Variants in EPHB1 observed in about 807,000 individuals in gnomAD.
The protein encoded by EPHB1 is ephrin type-B receptor 1.
EPHB1 carries 30 observed loss-of-function variants against 94.4 expected under a neutral mutation model. That is an observed-to-expected ratio of 0.32 (90% confidence interval 0.24 to 0.43). The LOEUF is 0.43. EPHB1 is among the 20% of genes least tolerant of loss of function. EPHB1 has a pLI of 1.00. For missense variants in EPHB1, 1,055 were observed against 1,308.3 expected, an observed-to-expected ratio of 0.81 and a Z score of 2.99; for synonymous variants, 522 against 489.1, an observed-to-expected ratio of 1.07 and a Z score of -0.89.
chr3:135,052,540 A>G (rs945702162), intron 3 of EPHB1, among the ~76,000 whole-genome samples: 5 of 152,110 alleles, frequency 3.3e-5, no homozygotes, highest in Admixed American at 3.3e-4. Context: ...TCCAAGGATC[A>G]GCTTTCTTTC....
At chr3:135,046,346 A>G (rs904658580) in intron 3 of EPHB1, among the ~76,000 whole-genome samples, 3 of 152,170 alleles carry the variant, frequency 2.0e-5, no homozygotes, top group Non-Finnish European at 4.4e-5. Flanking sequence ...CTGGTCACAC[A>G]AGCTCCTTGA....
intron 4 of EPHB1, among the ~76,000 whole-genome samples, chr3:135,120,815 A>C (rs1166277317): frequency 6.6e-6 from 1 of 152,150 alleles, no homozygotes; most frequent in Non-Finnish European, 1.5e-5. Flanking sequence ...TGCCAGTCTG[A>C]TCTGCGGTCT....
chr3:134,951,421 C>T lies in EPHB1; in HGVS notation c.174C>T (p.Tyr58=). The T allele has an allele frequency of 1.2e-6, 2 of 1,604,278 alleles. No homozygotes were observed. Among genetic ancestry groups the T allele is most frequent in the Non-Finnish European group, 1.7e-6 (2 of 1,174,290 alleles). Residue 58 remains tyrosine (Y), a synonymous_variant, in exon 3 of 16, where the codon TAC becomes TAT. Transcript: ENST00000398015. This position sits in a 1 kb window ranked among gnomAD's most constrained non-coding sequence, Gnocchi z 4.5. The stretch of plus-strand genomic sequence containing the variant: ...AAAACCTGAACACCATCCGCACCTA[C>T]CAGGTGTGCAATGTCTTCGAGCCCA... ...YDENLNTIRT[Y]QVCNVFEPNQ...
At chr3:134,964,066 A>G (rs1010418107) in intron 3 of EPHB1, among the ~76,000 whole-genome samples, 66 of 152,208 alleles carry the variant, frequency 4.3e-4, no homozygotes, top group Non-Finnish European at 2.4e-4. Context: ...CTGAATCCCT[A>G]CTTGCTCTGT....
chr3:135,129,517 C>A (rs1468450428), intron 4 of EPHB1, among the ~76,000 whole-genome samples: 1 of 152,208 alleles, frequency 6.6e-6, no homozygotes, highest in African/African-American at 2.4e-5. Flanking sequence ...TACATGGGAC[C>A]TTTTCCATGC....
intron 3 of EPHB1, among the ~76,000 whole-genome samples, chr3:134,954,433 G>C (rs558704842): frequency 1.4e-4 from 21 of 152,222 alleles, no homozygotes; most frequent in East Asian, 1.9e-4. Flanking sequence ...AGATGGACAT[G>C]GTGGCCATTC....
At chr3:135,031,766 G>T (rs533328536) in intron 3 of EPHB1, among the ~76,000 whole-genome samples, 136 of 152,180 alleles carry the variant, frequency 8.9e-4, no homozygotes, top group Non-Finnish European at 1.7e-3. Context: ...CCTTCCTCAA[G>T]TCCTCTCTTC....
chr3:135,168,803 G>T (rs1941725840), intron 9 of EPHB1, among the ~76,000 whole-genome samples: 1 of 152,162 alleles, frequency 6.6e-6, no homozygotes, highest in African/African-American at 2.4e-5. Context: ...TTTAGAGGTG[G>T]TCATGTCAGT....
rs1476606644 is a variant in EPHB1 at position 135,179,898 on chromosome 3, T to G, written c.1798T>G (p.Tyr600Asp). The G allele has an allele frequency of 6.2e-7, 1 of 1,613,852 alleles. No individual in the cohort carries two copies. Among genetic ancestry groups the G allele is most frequent in the East Asian group, 2.2e-5 (1 of 44,896 alleles). Residue 600 changes from tyrosine to aspartate, a missense_variant, in exon 10 of 16, where the codon TAC (tyrosine) becomes GAC (aspartate). Coordinates refer to ENST00000398015, the MANE Select transcript of EPHB1 (RefSeq NM_004441.5). ...GMKIYIDPFTYEDPNEAVREF... is the reference protein window; with the variant it reads ...GMKIYIDPFTDEDPNEAVREF... ...GAAGATCTACATTGACCCCTTCACT[T>G]ACGAGGATCCCAACGAAGCTGTCCG...
intron 3 of EPHB1, among the ~76,000 whole-genome samples, chr3:135,064,472 G>T (rs528539615): frequency 6.6e-6 from 1 of 151,956 alleles, no homozygotes; most frequent in South Asian, 2.1e-4. Context: ...CTAGGTTTTC[G>T]AATTTACATG....
chr3:135,119,209 T>C (rs771262511), intron 4 of EPHB1, among the ~76,000 whole-genome samples: 9 of 152,206 alleles, frequency 5.9e-5, no homozygotes, highest in Non-Finnish European at 1.3e-4. Flanking sequence ...TATTTAAAAA[T>C]TGATTTCTAG....
intron 1 of EPHB1, among the ~76,000 whole-genome samples, chr3:134,861,840 C>A (rs577218414): frequency 2.0e-5 from 3 of 152,112 alleles, no homozygotes; most frequent in Non-Finnish European, 2.9e-5. Flanking sequence ...ATGTAACAAA[C>A]CTGCATGTCC....
intron 3 of EPHB1, among the ~76,000 whole-genome samples, chr3:135,019,696 A>G (rs1007622623): frequency 3.9e-5 from 6 of 152,212 alleles, no homozygotes; most frequent in Non-Finnish European, 8.8e-5. Flanking sequence ...CGTTTTCCCT[A>G]TCATTAAATT....
chr3:135,211,665 G>A (rs575417088), intron 12 of EPHB1, among the ~76,000 whole-genome samples: 1 of 152,040 alleles, frequency 6.6e-6, no homozygotes, highest in Non-Finnish European at 1.5e-5. Context: ...ACAGTTACTT[G>A]AATCATTGTT....
At chr3:135,254,573 C>CATGGTGAAT (rs1233653736) in intron 15 of EPHB1, among the ~76,000 whole-genome samples, 1 of 152,012 alleles carries the variant, frequency 6.6e-6, no homozygotes, top group Non-Finnish European at 1.5e-5. Flanking sequence ...CCCACTTGAT[C>CATGGTGAAT]ATGGTGAATA....
In EPHB1 at chr3:134,955,103, T is replaced by TTTTTTTTTA. The variant is rs1559770507; in HGVS notation, c.805+3051_805+3052insTTTTTTTTA. ...TTTTTTTTTTTTTTTTTTTTTTTTT[T>TTTTTTTTTA]AATTTTTTTTTTTTTAATTATACTC... On this transcript the variant is annotated intron_variant, in intron 3 of 15. Coordinates refer to ENST00000398015, the MANE Select transcript of EPHB1 (RefSeq NM_004441.5). 1.0e-3 allele frequency among the ~76,000 whole-genome samples: 46 copies of TTTTTTTTTA among 44,514 alleles called. 5 individuals carry two copies. Among genetic ancestry groups the TTTTTTTTTA allele is most frequent in the Non-Finnish European group, 1.6e-3 (40 of 24,386 alleles). 29.2% of individuals were successfully genotyped at this position (44,514 alleles called of 152,430 possible). A position where few individuals can be genotyped will look rare whatever the true frequency, so the allele number is the denominator to read the frequency against.
In EPHB1 at chr3:134,874,032, A is replaced by T. The variant is rs144216768; in HGVS notation, c.59-51784A>T. Among the ~76,000 whole-genome samples, 1,328 of 152,304 alleles carry T rather than the reference A, an allele frequency of 8.7e-3. 19 individuals carry two copies. Among genetic ancestry groups the T allele is most frequent in the African/African-American group, 0.03 (1,258 of 41,556 alleles). ...TTCCTTGGGTTGGTTCTTGGTGGAA[A>T]CTTAAACATCAGCAGAGCTGGACAG... is the stretch of plus-strand genomic sequence containing the variant. On this transcript the variant is annotated intron_variant, in intron 1 of 15. Transcript: ENST00000398015.
At chr3:134,991,046 C>T (rs1343057114) in intron 3 of EPHB1, among the ~76,000 whole-genome samples, 2 of 152,026 alleles carry the variant, frequency 1.3e-5, no homozygotes, top group African/African-American at 4.8e-5. Context: ...TCATGCTATG[C>T]TGCTATATTT....
At chr3:135,002,114 G>C (rs1180397959) in intron 3 of EPHB1, among the ~76,000 whole-genome samples, 1 of 152,200 alleles carries the variant, frequency 6.6e-6, no homozygotes, top group Non-Finnish European at 1.5e-5. Context: ...AAATGTTGAT[G>C]TATGCTGTAA....
Sources: gnomAD v4.1 joint callset for allele counts (sites outside exome capture counted in the v4.1 genomes callset) on GRCh38, gnomAD v4.1.1 for gene constraint, Gnocchi (gnomAD v3.1) non-coding constraint, MANE v1.5 for transcripts, NCBI Gene and HGNC (gene_info 2026-07-23, HGNC 2026-07-21) for gene names.